Variants in ZNF536 observed in about 807,000 individuals in gnomAD.
The protein encoded by ZNF536 is zinc finger protein 536.
ZNF536 carries 13 observed loss-of-function variants against 84.5 expected under a neutral mutation model. That is an observed-to-expected ratio of 0.15 (90% CI 0.10 to 0.24). The LOEUF (loss-of-function observed/expected upper bound fraction) is 0.24. Among genes scored for constraint, ZNF536 ranks in the 10% least tolerant of loss-of-function variants. The pLI is 1.00. For missense variants in ZNF536, 1,536 were observed against 1,747.5 expected (o/e 0.88, Z 2.16); for synonymous variants, 811 against 742.5 (o/e 1.09, Z -1.50).
chr19:30,618,733 G>C (rs2048383776), intron 1 of ZNF536, among the ~76,000 whole-genome samples: 1 of 151,702 alleles, frequency 6.6e-6, no homozygotes, highest in Non-Finnish European at 1.5e-5. Flanking sequence ...AAATCTTTTT[G>C]TTGATTTATT....
At chr19:30,351,909 G>C (rs142060432) in intron 2 of ZNF536, among the ~76,000 whole-genome samples, 2 of 152,326 alleles carry the variant, frequency 1.3e-5, no homozygotes, top group East Asian at 3.9e-4. Context: ...GGGAAAACAT[G>C]GGGGAGAAGA....
chr19:30,532,842 T>C (rs1599716844), intron 2 of ZNF536, among the ~76,000 whole-genome samples: 1 of 152,172 alleles, frequency 6.6e-6, no homozygotes, highest in East Asian at 1.9e-4. Context: ...ACTGTGACCA[T>C]ATGTAGAGCA....
chr19:30,383,959 C>A (rs1167893322), intron 1 of ZNF536, among the ~76,000 whole-genome samples: 1 of 92,822 alleles, frequency 1.1e-5, no homozygotes, highest in Non-Finnish European at 2.2e-5. Context: ...CCTCCCCTCC[C>A]CTTCCCTTCC....
chr19:30,547,494 C>T (rs539489710), intron 3 of ZNF536, among the ~76,000 whole-genome samples: 42 of 152,206 alleles, frequency 2.8e-4, no homozygotes, highest in African/African-American at 1.0e-3. Context: ...GTAACAGTGC[C>T]ATAAAATTTT....
intron 2 of ZNF536, among the ~76,000 whole-genome samples, chr19:30,345,665 A>G (rs1393260786): frequency 6.6e-6 from 1 of 152,206 alleles, no homozygotes; most frequent in Non-Finnish European, 1.5e-5. Flanking sequence ...AGCCCCAGTG[A>G]CATCTTATGA....
At chr19:30,336,518 G>C (rs944696659) in intron 2 of ZNF536, among the ~76,000 whole-genome samples, 7 of 152,186 alleles carry the variant, frequency 4.6e-5, no homozygotes, top group African/African-American at 1.7e-4. Context: ...TCAGGCTTGG[G>C]CTGTTGAAGG....
In ZNF536 at chr19:30,320,664, G is replaced by C. The variant is rs1045021654; in HGVS notation, c.-119-31704G>C. ...GGCCTTGCAGATGGAACGGTGTGGA[G>C]CGTACGTGGTATTTGGGAAGTTTGG... On this transcript the variant is annotated intron_variant, in intron 2 of 5. Transcript: ENST00000585628. Among the ~76,000 whole-genome samples the C allele has an allele frequency of 2.0e-5, 3 of 152,112 alleles. No individual in the cohort carries two copies. The East Asian group carries it at 5.8e-4, about 29-fold the overall frequency.
intron 2 of ZNF536, among the ~76,000 whole-genome samples, chr19:30,505,797 C>CT (rs2055152815): frequency 6.6e-6 from 1 of 151,952 alleles, no homozygotes; most frequent in African/African-American, 2.4e-5. Context: ...TCCCGACTAG[C>CT]TGGGATTACA....
chr19:30,249,180 C>T (rs537974781), intron 1 of ZNF536, among the ~76,000 whole-genome samples: 1 of 152,246 alleles, frequency 6.6e-6, no homozygotes, highest in East Asian at 1.9e-4. Flanking sequence ...TGTATGGATA[C>T]AATACACAAT....
intron 1 of ZNF536, among the ~76,000 whole-genome samples, chr19:30,433,009 G>T (rs552218211): frequency 6.6e-6 from 1 of 152,118 alleles, no homozygotes; most frequent in African/African-American, 2.4e-5. Flanking sequence ...TTCTTGAGCC[G>T]CTGTTTTGCC....
intron 2 of ZNF536, among the ~76,000 whole-genome samples, chr19:30,342,840 G>GAAGTAAGAAAAA (rs1351123773): frequency 6.6e-6 from 1 of 152,196 alleles, no homozygotes; most frequent in Non-Finnish European, 1.5e-5. Flanking sequence ...GCAATTGAAA[G>GAAGTAAGAAAAA]AAGTAAGAAA....
At chr19:30,346,698 G>A (rs2047753615) in intron 2 of ZNF536, among the ~76,000 whole-genome samples, 1 of 152,190 alleles carries the variant, frequency 6.6e-6, no homozygotes, top group Non-Finnish European at 1.5e-5. Flanking sequence ...TGGCTGCATA[G>A]TATTCCATGG....
At chr19:30,251,948 CAT>C (rs373244838) in intron 1 of ZNF536, among the ~76,000 whole-genome samples, 1 of 151,462 alleles carries the variant, frequency 6.6e-6, no homozygotes, top group Non-Finnish European at 1.5e-5. Context: ...TTCCATTGCA[CAT>C]ATATATATAT....
intron 3 of ZNF536, among the ~76,000 whole-genome samples, chr19:30,367,178 G>A (rs1246138421): frequency 6.6e-6 from 1 of 152,176 alleles, no homozygotes; most frequent in Non-Finnish European, 1.5e-5. Context: ...AAGACCCTCC[G>A]CCACATCCCT....
chr19:30,425,494 G>A lies in ZNF536; in HGVS notation c.-2-18067G>A, dbSNP rs919493722. On this transcript the variant is annotated intron_variant, in intron 1 of 4. Coordinates refer to ENST00000355537, the MANE Select transcript of ZNF536 (RefSeq NM_014717.3). ...GCCTCAGGTGCTGTTTGATCCAGGG[G>A]CTCAAATGTCACCAAGCATCTGACG... 9.1e-4 allele frequency among the ~76,000 whole-genome samples: 139 copies of A among 152,200 alleles called. 1 individual carries two copies. The highest frequency in any genetic ancestry group is 9.1e-3 in the Admixed American group (139 of 15,288).
chr19:30,254,243 C>G (rs1021921940), intron 1 of ZNF536, among the ~76,000 whole-genome samples: 1 of 152,192 alleles, frequency 6.6e-6, no homozygotes, highest in African/African-American at 2.4e-5. Context: ...TACCCACTAT[C>G]TCTCCCCTGG....
chr19:30,490,836 GGGAAAAT>G (rs1206089616), intron 2 of ZNF536, among the ~76,000 whole-genome samples: 1 of 152,212 alleles, frequency 6.6e-6, no homozygotes, highest in African/African-American at 2.4e-5. Context: ...GGGTTTGGAA[GGGAAAAT>G]GTAAAAGTTG....
intron 3 of ZNF536, among the ~76,000 whole-genome samples, chr19:30,359,213 G>A (rs1344871390): frequency 3.3e-5 from 5 of 152,254 alleles, no homozygotes; most frequent in African/African-American, 1.2e-4. Context: ...AAGTGTGTGT[G>A]TGGACTGGCT....
chr19:30,629,294 G>A (rs1310521193), intron 1 of ZNF536, among the ~76,000 whole-genome samples: 2 of 152,118 alleles, frequency 1.3e-5, no homozygotes, highest in Non-Finnish European at 2.9e-5. Flanking sequence ...GACCTCCTCG[G>A]GTTCAGGTAA....
Sources: gnomAD v4.1 joint callset for allele counts (sites outside exome capture counted in the v4.1 genomes callset) on GRCh38, gnomAD v4.1.1 for gene constraint, MANE v1.5 for transcripts, NCBI Gene and HGNC (gene_info 2026-07-23, HGNC 2026-07-21) for gene names.